UNC5D: variants seen among roughly 807,000 people sequenced by gnomAD.
UNC5D encodes the protein netrin receptor UNC5D.
Under a neutral mutation model 105.4 loss-of-function variants are expected in UNC5D, and 39 were observed. The ratio of observed to expected loss-of-function variants is 0.37; its 90% CI spans 0.29 to 0.48. The LOEUF (loss-of-function observed/expected upper bound fraction) is 0.48, where lower values mean the gene tolerates loss of function less well. Among genes scored for constraint, UNC5D ranks in the 20% least tolerant of loss-of-function variants. The pLI is 0.98. For missense variants in UNC5D, 991 were observed against 1,202.4 expected, an observed-to-expected ratio of 0.82 and a Z score of 2.60; for synonymous variants, 452 against 450.4, an observed-to-expected ratio of 1.00 and a Z score of -0.04.
chr8:35,777,654 A>G (rs1257253299), intron 16 of UNC5D, among the ~76,000 whole-genome samples: 1 of 152,200 alleles, frequency 6.6e-6, no homozygotes, highest in Non-Finnish European at 1.5e-5. Flanking sequence ...CTGATGCTGT[A>G]ACAGGAAAGC....
At chr8:35,417,135 A>C (rs1322407793) in intron 1 of UNC5D, among the ~76,000 whole-genome samples, 1 of 152,246 alleles carries the variant, frequency 6.6e-6, no homozygotes, top group South Asian at 2.1e-4. Context: ...ATTATTGACT[A>C]GTCATTCTGT....
chr8:35,508,453 C>T (rs530907788), intron 1 of UNC5D, among the ~76,000 whole-genome samples: 16 of 152,318 alleles, frequency 1.1e-4, no homozygotes, highest in African/African-American at 3.6e-4. Context: ...TATTTCTCTT[C>T]AGAGACTAGT....
chr8:35,701,514 A>G (rs1827196058), intron 7 of UNC5D, among the ~76,000 whole-genome samples: 1 of 152,146 alleles, frequency 6.6e-6, no homozygotes, highest in South Asian at 2.1e-4. Context: ...AATGGATACT[A>G]TGGAAATGGT....
At chr8:35,518,181 T>G (rs1338361976) in intron 1 of UNC5D, among the ~76,000 whole-genome samples, 1 of 152,178 alleles carries the variant, frequency 6.6e-6, no homozygotes, top group African/African-American at 2.4e-5. Context: ...AGTAGCACTG[T>G]TTTTCATATC....
At chr8:35,420,844 C>G (rs541615160) in intron 1 of UNC5D, among the ~76,000 whole-genome samples, 34 of 151,626 alleles carry the variant, frequency 2.2e-4, no homozygotes, top group Non-Finnish European at 4.3e-4. Flanking sequence ...CCCAGGAGAA[C>G]TATAAAAAAA....
chr8:35,717,225 C>T (rs759040160), intron 8 of UNC5D, among the ~76,000 whole-genome samples: 4 of 152,202 alleles, frequency 2.6e-5, no homozygotes, highest in African/African-American at 7.2e-5. Context: ...GTACTCGCTA[C>T]GCTCCTATGT....
intron 1 of UNC5D, among the ~76,000 whole-genome samples, chr8:35,495,458 C>CAAAAAAAAAAAAAAAAAAAAAAAAA (rs71547636): frequency 1.3e-4 from 6 of 44,614 alleles, no homozygotes; most frequent in Non-Finnish European, 2.3e-4. Flanking sequence ...ACAACAACAA[C>CAAAAAAAAAAAAAAAAAAAAAAAAA]AAAAAAAAAA....
chr8:35,743,381 C>G (rs192258591), intron 11 of UNC5D, among the ~76,000 whole-genome samples: 79 of 151,896 alleles, frequency 5.2e-4, no homozygotes, highest in Non-Finnish European at 8.1e-4. Context: ...GCAATTCTCT[C>G]GCCTCAGCCT....
chr8:35,446,547 A>T (rs1041868630), intron 1 of UNC5D, among the ~76,000 whole-genome samples: 5 of 152,102 alleles, frequency 3.3e-5, no homozygotes, highest in African/African-American at 9.7e-5. Context: ...GTCATTCTTT[A>T]AAAAAGCCTA....
intron 1 of UNC5D, among the ~76,000 whole-genome samples, chr8:35,484,304 C>T (rs542221284): frequency 1.1e-4 from 17 of 152,220 alleles, no homozygotes. Flanking sequence ...GCTATACTCA[C>T]TGTCTAGGTT....
chr8:35,539,932 A>G (rs1563515622), intron 1 of UNC5D, among the ~76,000 whole-genome samples: 1 of 152,226 alleles, frequency 6.6e-6, no homozygotes, highest in Non-Finnish European at 1.5e-5. Flanking sequence ...AACATAAAAC[A>G]TAAAGCTCTT....
At chr8:35,511,686 T>G (rs1484447893) in intron 1 of UNC5D, among the ~76,000 whole-genome samples, 1 of 151,312 alleles carries the variant, frequency 6.6e-6, no homozygotes, top group Non-Finnish European at 1.5e-5. Flanking sequence ...GAAGAAGAAT[T>G]GTCTTGGGCC....
chr8:35,492,747 G>T (rs1398185876), intron 1 of UNC5D, among the ~76,000 whole-genome samples: 1 of 152,028 alleles, frequency 6.6e-6, no homozygotes, highest in Non-Finnish European at 1.5e-5. Context: ...TGATTTTCGG[G>T]AGAAATAAAT....
chr8:35,650,204 A>G (rs564325647), intron 4 of UNC5D, among the ~76,000 whole-genome samples: 3 of 152,322 alleles, frequency 2.0e-5, no homozygotes, highest in African/African-American at 7.2e-5. Context: ...TAGCTCCAGG[A>G]ATATAGAATG....
intron 1 of UNC5D, among the ~76,000 whole-genome samples, chr8:35,467,855 AC>A (rs1563447241): frequency 6.6e-6 from 1 of 152,254 alleles, no homozygotes. Context: ...CTAGATGATC[AC>A]TTTTTAGTGG....
chr8:35,742,418 A>G (rs182733236), intron 11 of UNC5D, among the ~76,000 whole-genome samples: 9 of 152,354 alleles, frequency 5.9e-5, no homozygotes, highest in Admixed American at 3.9e-4. Flanking sequence ...TACAGCTTCC[A>G]TCTATCAGCC....
intron 1 of UNC5D, among the ~76,000 whole-genome samples, chr8:35,305,886 TTTC>T (rs1808376252): frequency 7.4e-6 from 1 of 135,022 alleles, no homozygotes; most frequent in Non-Finnish European, 1.6e-5. Flanking sequence ...TCTTTCTTTC[TTTC>T]TTTTTCTCTC....
At chr8:35,616,009 G>T (rs1821004056) in intron 4 of UNC5D, among the ~76,000 whole-genome samples, 1 of 152,088 alleles carries the variant, frequency 6.6e-6, no homozygotes, top group Non-Finnish European at 1.5e-5. Context: ...TGCTATCCTT[G>T]ATAGACTCAT....
intron 1 of UNC5D, among the ~76,000 whole-genome samples, chr8:35,362,450 A>T (rs1257239313): frequency 6.6e-6 from 1 of 152,144 alleles, no homozygotes; most frequent in Non-Finnish European, 1.5e-5. Flanking sequence ...TTGCATTTCC[A>T]TATTTAGCTT....
Sources: allele counts gnomAD v4.1 joint callset (sites outside exome capture counted in the v4.1 genomes callset), GRCh38; gene constraint gnomAD v4.1.1; transcripts MANE v1.5; gene names NCBI Gene and HGNC (gene_info 2026-07-23, HGNC 2026-07-21).